Variants in GPI observed in about 807,000 individuals in gnomAD.
GPI encodes glucose-6-phosphate isomerase, also known as D-hexose-6-phosphate anomerase.
In GPI, 56 loss-of-function variants were observed where a neutral mutation model predicts 75.8. The ratio of observed to expected loss-of-function variants is 0.74; its 90% CI spans 0.60 to 0.92. The LOEUF is 0.92. Ranked by LOEUF, GPI falls within the 40% of genes least tolerant of loss-of-function variation. The pLI is 0.00. For missense variants in GPI, 638 were observed against 741.0 expected (o/e 0.86, Z 1.61); for synonymous variants, 288 against 285.4 (o/e 1.01, Z -0.09).
At chr19:34,388,370 G>T (rs2074769585) in intron 9 of GPI, among the ~76,000 whole-genome samples, 1 of 152,200 alleles carries the variant, frequency 6.6e-6, no homozygotes, top group African/African-American at 2.4e-5. Flanking sequence ...AGTTACTCAG[G>T]AGGCTGAGGC....
In GPI at chr19:34,395,254, C is replaced by T. The variant is rs533175420; in HGVS notation, c.1063-1047C>T. Among the ~76,000 whole-genome samples the T allele has an allele frequency of 2.5e-4, 38 of 152,172 alleles. No homozygotes were observed. In the South Asian group the frequency reaches 7.5e-3, roughly 30 times the overall value. ...CTCAAAGGCTGTACTCTTAGCCAGG[C>T]ATGGTGGCTGATGCCTGCAATCCCA... On this transcript the variant is annotated intron_variant, in intron 12 of 17. Transcript: ENST00000356487.
chr19:34,381,182 G>A, intron 8 of GPI: 2 of 515,036 alleles, frequency 3.9e-6, no homozygotes. Context: ...GCAGTGTGTG[G>A]GCCAGGTCCT....
intron 6 of GPI, 24 bp downstream of exon 6, chr19:34,377,905 GC>G: frequency 6.2e-7 from 1 of 1,613,414 alleles, no homozygotes; most frequent in Admixed American, 1.7e-5. Flanking sequence ...AAACTGCCCG[GC>G]CCCTGGCCCT....
chr19:34,378,819 A>G (rs8191378), intron 6 of GPI, 115 bp from the exon 7 acceptor site: 33,870 of 787,296 alleles, frequency 0.043, 1,276 homozygotes, highest in Admixed American at 0.15. Flanking sequence ...CTGACCTGCA[A>G]ATACTGCTCC....
intron 3 of GPI, 67 bp downstream of exon 3, chr19:34,366,918 C>G (rs529832732): frequency 1.7e-6 from 2 of 1,156,554 alleles, no homozygotes; most frequent in Non-Finnish European, 2.6e-6. Context: ...GACTGTTAGC[C>G]GCATCACCCT....
At chr19:34,364,873 A>G (rs181209469), upstream of GPI, 327 of 1,082,154 alleles carry the variant, frequency 3.0e-4, 3 homozygotes, top group African/African-American at 4.9e-3. Flanking sequence ...GAATGAATGA[A>G]TGAAGCCGAC....
chr19:34,393,565 C>A lies in GPI; in HGVS notation c.866-163C>A. On this transcript the variant is annotated intron_variant, in intron 10 of 17. Transcript: ENST00000356487. The surrounding 1 kb of genome is among the most constrained non-coding windows in gnomAD (Gnocchi z 4.4). ...CTAGGCAGAGTCAGATCCCTGCACT[C>A]AGGGCCACCTCTCACTGGAGGGGCT... The A allele has an allele frequency of 1.3e-6, 1 of 743,934 alleles. No homozygotes were observed. The allele number at this position is 743,934 out of a possible 1,614,324, so 46.1% of individuals were successfully genotyped here. A position where few individuals can be genotyped will look rare whatever the true frequency, so the allele number is the denominator to read the frequency against.
chr19:34,365,495 C>T (rs2074347035), intron 1 of GPI, 107 bp downstream of exon 1: 2 of 1,484,552 alleles, frequency 1.3e-6, no homozygotes, highest in Non-Finnish European at 1.8e-6. Context: ...CCCCAGTCCC[C>T]GACCTCCAGG....
intron 9 of GPI, among the ~76,000 whole-genome samples, chr19:34,383,992 C>T (rs1230599667): frequency 1.3e-5 from 2 of 152,130 alleles, no homozygotes; most frequent in Non-Finnish European, 2.9e-5. Context: ...TGGAATCAGA[C>T]AGGTTTGTAT....
rs1342935817 is a variant in GPI, at chr19:34,393,198, G to A, written c.805-50G>A. The A allele has an allele frequency of 7.1e-7, 1 of 1,399,882 alleles. No homozygotes were observed. The highest frequency in any genetic ancestry group is 1.7e-5 in the Admixed American group (1 of 59,738). The allele number at this position is 1,399,882 out of a possible 1,614,324, so 86.7% of individuals were successfully genotyped here. On this transcript the variant is annotated intron_variant, in intron 9 of 17. Transcript: ENST00000356487. This position sits in a 1 kb window ranked among gnomAD's most constrained non-coding sequence, Gnocchi z 4.4. Reference sequence around the variant, plus strand: ...GGACAGGGTTTCCGGCAGGAGGTGGGGGGCGGGGTGTGCCGGCCCTCCCTC... The same window carrying A: ...GGACAGGGTTTCCGGCAGGAGGTGGAGGGCGGGGTGTGCCGGCCCTCCCTC...
At chr19:34,379,065 G>GC in intron 7 of GPI, 60 bp downstream of exon 7, 2 of 1,410,956 alleles carry the variant, frequency 1.4e-6, no homozygotes, top group South Asian at 2.3e-5. Flanking sequence ...AGCAGGGTGG[G>GC]CCCCTGAGTG....
chr19:34,382,257 G>T (rs988974761), intron 9 of GPI, among the ~76,000 whole-genome samples: 4 of 152,200 alleles, frequency 2.6e-5, no homozygotes, highest in Non-Finnish European at 4.4e-5. Context: ...GCGCAGCAGA[G>T]AGGGCATTGC....
At chr19:34,369,328 C>T (rs1488447773) in intron 4 of GPI, among the ~76,000 whole-genome samples, 1 of 151,992 alleles carries the variant, frequency 6.6e-6, no homozygotes, top group South Asian at 2.1e-4. Context: ...TGAGCCACTG[C>T]GCCTGGCCGG....
At chr19:34,374,539 C>T (rs1193526953) in intron 4 of GPI, among the ~76,000 whole-genome samples, 1 of 152,086 alleles carries the variant, frequency 6.6e-6, no homozygotes, top group Non-Finnish European at 1.5e-5. Context: ...TCTAGAACCT[C>T]ATTTTGTCAA....
chr19:34,375,605 C>T (rs1021849948), intron 4 of GPI, among the ~76,000 whole-genome samples: 1 of 152,132 alleles, frequency 6.6e-6, no homozygotes, highest in African/African-American at 2.4e-5. Context: ...TTGGAGGACC[C>T]CCCTCTAAAG....
At chr19:34,378,734 G>A (rs902175747) in intron 6 of GPI, among the ~76,000 whole-genome samples, 200 bp from the exon 7 acceptor site, 1 of 152,296 alleles carries the variant, frequency 6.6e-6, no homozygotes, top group Admixed American at 6.5e-5. Flanking sequence ...TTAGGGTTGG[G>A]GGGTGTGTTT....
intron 4 of GPI, among the ~76,000 whole-genome samples, chr19:34,372,976 G>T (rs1555716493): frequency 1.3e-5 from 2 of 152,060 alleles, no homozygotes; most frequent in Non-Finnish European, 2.9e-5. Context: ...GTTTCACCAT[G>T]TTGGCTAGGC....
intron 9 of GPI, among the ~76,000 whole-genome samples, chr19:34,391,254 T>A (rs796601017): frequency 2.7e-3 from 1 of 364 alleles, no homozygotes. Context: ...TGGGATCGGG[T>A]CCTGGTATGA....
chr19:34,371,442 T>C (rs184278030), intron 4 of GPI, among the ~76,000 whole-genome samples: 1 of 152,298 alleles, frequency 6.6e-6, no homozygotes, highest in East Asian at 1.9e-4. Context: ...ATAGTTGGAT[T>C]GATCTGCCAT....
Sources: gnomAD v4.1 joint callset for allele counts (sites outside exome capture counted in the v4.1 genomes callset) on GRCh38, gnomAD v4.1.1 for gene constraint, Gnocchi (gnomAD v3.1) non-coding constraint, MANE v1.5 for transcripts, NCBI Gene and HGNC (gene_info 2026-07-23, HGNC 2026-07-21) for gene names.